Variants in MIER1 observed in about 807,000 individuals in gnomAD.
The protein encoded by MIER1 is MIER1 transcriptional regulator.
MIER1 carries 40 observed loss-of-function variants against 75.7 expected under a neutral mutation model. That is an observed-to-expected ratio of 0.53 (90% CI 0.41 to 0.69). MIER1 has a LOEUF of 0.69. MIER1 is among the 30% of genes least tolerant of loss of function. The pLI, the probability that MIER1 is intolerant of heterozygous loss-of-function variation, is 0.00. For missense variants in MIER1, 574 were observed against 680.2 expected (o/e 0.84, Z 1.74); for synonymous variants, 213 against 223.4 (o/e 0.95, Z 0.42).
In MIER1 at chr1:66,984,746, C is replaced by T. The variant is rs1383933707; in HGVS notation, c.1544C>T (p.Ala515Val). Reference protein sequence around the residue: ...TTDPKLAHMTARNENDFDEKS... With the variant: ...TTDPKLAHMTVRNENDFDEKS... ...GACCCAAAACTTGCCCATATGACTG[C>T]AAGAAATGAAAATGATTTTGATGAA... Residue 515 changes from alanine (A) to valine (V), a missense_variant, in exon 14 of 14, where the codon GCA becomes GTA. Transcript: ENST00000401041. 1 of 1,613,834 alleles carries T rather than the reference C, an allele frequency of 6.2e-7. No homozygotes were observed. The highest frequency in any genetic ancestry group is 8.5e-7 in the Non-Finnish European group (1 of 1,179,904).
chr1:66,982,530 G>A (rs1002854765), intron 13 of MIER1, among the ~76,000 whole-genome samples: 13 of 152,200 alleles, frequency 8.5e-5, no homozygotes, highest in Non-Finnish European at 1.8e-4. Context: ...CTGATCAGTA[G>A]TAAGAGCCAG....
chr1:66,953,729 G>C (rs551410292), intron 4 of MIER1, among the ~76,000 whole-genome samples: 23 of 151,514 alleles, frequency 1.5e-4, no homozygotes, highest in Non-Finnish European at 3.1e-4. Flanking sequence ...TCAGCCTCCT[G>C]AGTAGCTGGG....
chr1:66,966,058 T>G (rs1176906312), intron 8 of MIER1, among the ~76,000 whole-genome samples: 1 of 152,194 alleles, frequency 6.6e-6, no homozygotes, highest in Non-Finnish European at 1.5e-5. Context: ...TTTTATACTT[T>G]AAGTTCTAGG....
At chr1:66,925,828 T>G (rs1651590662) in intron 1 of MIER1, among the ~76,000 whole-genome samples, 1 of 152,230 alleles carries the variant, frequency 6.6e-6, no homozygotes, top group Admixed American at 6.5e-5. Flanking sequence ...ATTCTGCATT[T>G]CTGCAGAAGA....
At chr1:66,963,334 A>T (rs1202786891) in intron 8 of MIER1, among the ~76,000 whole-genome samples, 174 bp downstream of exon 8, 1 of 152,210 alleles carries the variant, frequency 6.6e-6, no homozygotes, top group African/African-American at 2.4e-5. Context: ...GTGTGTACTC[A>T]ATTTTTTCAG....
rs534190051 is a variant in MIER1 at position 66,988,242 on chromosome 1, T to A, written c.*3342T>A. 1.3e-5 allele frequency: 2 copies of A among 152,368 alleles called. No homozygotes were observed. The highest frequency in any genetic ancestry group is 2.9e-5 in the Non-Finnish European group (2 of 68,040). The allele number at this position is 152,368 out of a possible 1,614,324, so 9.4% of individuals were successfully genotyped here. A position where few individuals can be genotyped will look rare whatever the true frequency, so the allele number is the denominator to read the frequency against. On this transcript the variant is annotated 3_prime_UTR_variant, in exon 14 of 14. Transcript: ENST00000401041. ...CAGGAGTTTCCAAATTTTAACCTTTTATTCTAAAAATGACTCTCTTCTCTC... is the reference window on the plus strand; with the variant it reads ...CAGGAGTTTCCAAATTTTAACCTTTAATTCTAAAAATGACTCTCTTCTCTC...
intron 11 of MIER1, among the ~76,000 whole-genome samples, chr1:66,975,628 A>C (rs1296081668): frequency 6.6e-6 from 1 of 152,176 alleles, no homozygotes; most frequent in African/African-American, 2.4e-5. Flanking sequence ...CCCTACCACC[A>C]GTTCTCCCGG....
In MIER1 at chr1:66,984,560, C is replaced by G. The variant is rs1050108907; in HGVS notation, c.1370-12C>G. 6.5e-7 allele frequency: 1 copy of G among 1,538,184 alleles called. No individual in the cohort carries two copies. The highest frequency in any genetic ancestry group is 8.8e-7 in the Non-Finnish European group (1 of 1,142,664). On this transcript the variant is annotated splice_polypyrimidine_tract_variant and intron_variant, in intron 13 of 13. Coordinates refer to ENST00000401041, the MANE Select transcript of MIER1 (RefSeq NM_001077700.3). Reference sequence around the variant, plus strand: ...TCTAATTGTGGTTTCATTTATATTTCTTTCAACTTAGGAGTGTCATCTAAT... The same window carrying G: ...TCTAATTGTGGTTTCATTTATATTTGTTTCAACTTAGGAGTGTCATCTAAT...
At position 66,960,898 on chromosome 1, in the gene MIER1, T is replaced by G. The variant is rs1661121593; in HGVS notation, c.699+1155T>G. ...AAGCTAGAAACCTTGGGAGTCCTTA[T>G]AAATTGCTGTCCCACTTCATATTCA... is the stretch of plus-strand genomic sequence containing the variant. On this transcript the variant is annotated intron_variant, in intron 7 of 13. Transcript: ENST00000401041. Among the ~76,000 whole-genome samples, 3 of 152,208 alleles carry G rather than the reference T, an allele frequency of 2.0e-5. No homozygotes were observed. In the South Asian group the frequency reaches 6.2e-4, roughly 32 times the overall value.
Position 66,946,169 on chromosome 1 carries a change from T to TG in MIER1, c.214dup (p.Asp72GlyfsTer3). 1 of 1,609,688 alleles carries TG rather than the reference T, an allele frequency of 6.2e-7. No individual in the cohort carries two copies. Among genetic ancestry groups the TG allele is most frequent in the Non-Finnish European group, 8.5e-7 (1 of 1,179,052 alleles). ...TACCAGGAGGTTCAGCAACATCAGA[T>TG]GACCATGAATTTGATCCATCAGCTG... On this transcript the variant is annotated frameshift_variant, in exon 4 of 14. Transcript: ENST00000401041. LOFTEE classifies it high-confidence loss of function.
chr1:66,972,657 C>G (rs1224182574), intron 10 of MIER1, among the ~76,000 whole-genome samples: 5 of 151,904 alleles, frequency 3.3e-5, no homozygotes, highest in Admixed American at 3.3e-4. Context: ...ATAGTTTGAT[C>G]AGTAAGAATT....
At chr1:66,968,114 A>C (rs1662803097) in intron 8 of MIER1, among the ~76,000 whole-genome samples, 1 of 152,162 alleles carries the variant, frequency 6.6e-6, no homozygotes, top group South Asian at 2.1e-4. Context: ...TGATTTATGA[A>C]GCTTTCTCAT....
intron 10 of MIER1, 150 bp downstream of exon 10, chr1:66,971,886 G>A (rs529318001): frequency 1.1e-5 from 5 of 475,348 alleles, no homozygotes; most frequent in Admixed American, 4.2e-5. Context: ...TAAACAAATC[G>A]TTACGGGGAG....
At position 66,985,762 on chromosome 1, in the gene MIER1, T is replaced by C. The variant is rs895163933; in HGVS notation, c.*862T>C. On this transcript the variant is annotated 3_prime_UTR_variant, in exon 14 of 14. Coordinates refer to ENST00000401041, the MANE Select transcript of MIER1 (RefSeq NM_001077700.3). ...GAATTTTTAAGTGTTTGTGTAGTAA[T>C]TAAGTCATATTTCTTATCCAGGTGG... 2.1e-6 allele frequency: 2 copies of C among 958,190 alleles called. No individual in the cohort carries two copies. Among genetic ancestry groups the C allele is most frequent in the East Asian group, 1.1e-4 (1 of 8,786 alleles). The allele number at this position is 958,190 out of a possible 1,614,324, so 59.4% of individuals were successfully genotyped here.
At chr1:66,974,643 G>T (rs1419320408) in intron 11 of MIER1, among the ~76,000 whole-genome samples, 1 of 152,048 alleles carries the variant, frequency 6.6e-6, no homozygotes, top group Non-Finnish European at 1.5e-5. Flanking sequence ...AGTATTAAAA[G>T]TATAACCTTG....
intron 2 of MIER1, among the ~76,000 whole-genome samples, chr1:66,938,130 G>T (rs1225592253): frequency 2.6e-5 from 4 of 152,170 alleles, no homozygotes; most frequent in Non-Finnish European, 5.9e-5. Flanking sequence ...ATTGGGAAGT[G>T]TTTGCAGCCT....
At chr1:66,925,409 G>C (rs543137616) in intron 1 of MIER1, 84 of 985,460 alleles carry the variant, frequency 8.5e-5, no homozygotes, top group Admixed American at 1.2e-4. Context: ...CGTTCGCTTC[G>C]GTCCCTGATC....
At chr1:66,949,169 TA>T (rs1261316809) in intron 4 of MIER1, among the ~76,000 whole-genome samples, 1 of 152,214 alleles carries the variant, frequency 6.6e-6, no homozygotes, top group African/African-American at 2.4e-5. Flanking sequence ...GGTACAGTAA[TA>T]AAATCTTGTA....
chr1:66,965,845 TC>T (rs1421405621), intron 8 of MIER1, among the ~76,000 whole-genome samples: 1 of 152,176 alleles, frequency 6.6e-6, no homozygotes, highest in Non-Finnish European at 1.5e-5. Context: ...TAGCCATCCT[TC>T]TGCTGTATCT....
Sources: allele counts gnomAD v4.1 joint callset (sites outside exome capture counted in the v4.1 genomes callset), GRCh38; gene constraint gnomAD v4.1.1; transcripts MANE v1.5; gene names NCBI Gene and HGNC (gene_info 2026-07-23, HGNC 2026-07-21).